CDK14: variants seen among roughly 807,000 people sequenced by gnomAD.
The protein encoded by CDK14 is cyclin dependent kinase 14, also known as cyclin-dependent kinase 14.
CDK14 carries 34 observed loss-of-function variants against 60.7 expected under a neutral mutation model. That is an observed-to-expected ratio of 0.56 (90% CI 0.43 to 0.75). The LOEUF (loss-of-function observed/expected upper bound fraction) is 0.75, where lower values mean the gene tolerates loss of function less well. Among genes scored for constraint, CDK14 ranks in the 30% least tolerant of loss-of-function variants. The probability of loss-of-function intolerance (pLI) is 0.00; values close to 1 mark genes in which losing one functional copy is unlikely to be tolerated. For synonymous variants in CDK14, 197 were observed against 203.7 expected (o/e 0.97, Z 0.28); for missense variants, 482 against 564.1 (o/e 0.85, Z 1.47).
At chr7:91,038,884 C>T (rs565257892) in intron 10 of CDK14, among the ~76,000 whole-genome samples, 17 of 152,318 alleles carry the variant, frequency 1.1e-4, no homozygotes, top group African/African-American at 2.9e-4. Flanking sequence ...CCTTGCCTTC[C>T]GCCATGATTG....
At chr7:91,008,608 T>G (rs1796061009) in intron 10 of CDK14, among the ~76,000 whole-genome samples, 1 of 152,108 alleles carries the variant, frequency 6.6e-6, no homozygotes, top group African/African-American at 2.4e-5. Context: ...CTGGAACATA[T>G]CAAAGTGAGT....
intron 7 of CDK14, among the ~76,000 whole-genome samples, chr7:90,903,236 T>C (rs187876540): frequency 6.6e-6 from 1 of 152,196 alleles, no homozygotes; most frequent in Admixed American, 6.6e-5. Flanking sequence ...TGGGTGTTTA[T>C]CCAAAAGAAA....
chr7:90,896,361 A>G (rs1363540447), intron 6 of CDK14, among the ~76,000 whole-genome samples: 2 of 151,226 alleles, frequency 1.3e-5, no homozygotes, highest in Non-Finnish European at 2.9e-5. Context: ...TTTCTTCCTT[A>G]TTTTCCTCCT....
intron 12 of CDK14, among the ~76,000 whole-genome samples, chr7:91,091,501 T>TATATATA (rs1798821641): frequency 1.1e-5 from 1 of 88,972 alleles, no homozygotes; most frequent in African/African-American, 4.3e-5. Flanking sequence ...TTTATATATT[T>TATATATA]TATATATATA....
chr7:90,757,768 A>C (rs113706593), intron 4 of CDK14, among the ~76,000 whole-genome samples: 23,526 of 151,784 alleles, frequency 0.15, 1,926 homozygotes, highest in Middle Eastern at 0.24. Context: ...CACCCAGCTA[A>C]TTTTCATATT....
chr7:90,696,551 G>A (rs1801663690), intron 2 of CDK14, among the ~76,000 whole-genome samples: 1 of 152,038 alleles, frequency 6.6e-6, no homozygotes, highest in African/African-American at 2.4e-5. Flanking sequence ...CTGGCCTCAA[G>A]TGATCCGCCC....
intron 3 of CDK14, among the ~76,000 whole-genome samples, chr7:90,728,563 C>T (rs1047744202): frequency 6.6e-6 from 1 of 152,076 alleles, no homozygotes; most frequent in Non-Finnish European, 1.5e-5. Context: ...CATATCACTT[C>T]ATATGTTTCT....
intron 9 of CDK14, among the ~76,000 whole-genome samples, chr7:90,977,322 G>A (rs1795100325): frequency 6.6e-6 from 1 of 152,064 alleles, no homozygotes; most frequent in Non-Finnish European, 1.5e-5. Flanking sequence ...CTTTATTTGG[G>A]TGCTGCAGCT....
chr7:91,205,953 G>A lies in CDK14; in HGVS notation c.*29-1212G>A, dbSNP rs1022252815. Among the ~76,000 whole-genome samples the A allele has an allele frequency of 6.6e-5, 10 of 151,900 alleles. No individual in the cohort carries two copies. In the South Asian group the frequency reaches 8.3e-4, roughly 13 times the overall value. ...TGGGACTACAGGCACACACCACCAC[G>A]CCTGGCTAGTATTTGTATTTTCAGT... On this transcript the variant is annotated intron_variant, in intron 14 of 14. Transcript: ENST00000380050.
At chr7:91,091,800 T>G (rs1256879377) in intron 12 of CDK14, among the ~76,000 whole-genome samples, 1 of 37,542 alleles carries the variant, frequency 2.7e-5, no homozygotes, top group Non-Finnish European at 8.3e-5. Flanking sequence ...ATCAGATGAG[T>G]TTTTTTTTCT....
chr7:90,731,321 G>T (rs2116731379), intron 3 of CDK14, among the ~76,000 whole-genome samples: 1 of 152,262 alleles, frequency 6.6e-6, no homozygotes, highest in East Asian at 1.9e-4. Flanking sequence ...GTTTAGGATT[G>T]TCTTGGCTAT....
intron 14 of CDK14, among the ~76,000 whole-genome samples, chr7:91,184,956 G>C (rs1420585037): frequency 6.6e-6 from 1 of 151,732 alleles, no homozygotes; most frequent in African/African-American, 2.4e-5. Context: ...GAGAAGAAGG[G>C]CATCAACCTA....
At chr7:90,997,790 A>G (rs1340575682) in intron 10 of CDK14, among the ~76,000 whole-genome samples, 2 of 152,172 alleles carry the variant, frequency 1.3e-5, no homozygotes, top group African/African-American at 4.8e-5. Context: ...ATATATGCAC[A>G]TTTAATTTGA....
intron 5 of CDK14, among the ~76,000 whole-genome samples, chr7:90,833,919 A>G (rs1790004485): frequency 6.6e-6 from 1 of 152,194 alleles, no homozygotes; most frequent in Admixed American, 6.5e-5. Context: ...TCCTGTAAGA[A>G]TGTAAACTTT....
chr7:91,075,445 A>G (rs952358556), intron 11 of CDK14, among the ~76,000 whole-genome samples: 3 of 152,188 alleles, frequency 2.0e-5, no homozygotes, highest in Non-Finnish European at 4.4e-5. Flanking sequence ...CTCTCAATAA[A>G]CTAGGTATTG....
intron 12 of CDK14, among the ~76,000 whole-genome samples, chr7:91,089,604 C>T (rs1032295673): frequency 4.0e-5 from 6 of 151,318 alleles, no homozygotes; most frequent in African/African-American, 9.7e-5. Context: ...TGTTTATCTC[C>T]GTAAAATATG....
chr7:90,808,659 G>A (rs1788960929), intron 5 of CDK14, among the ~76,000 whole-genome samples: 1 of 152,166 alleles, frequency 6.6e-6, no homozygotes, highest in African/African-American at 2.4e-5. Context: ...CCAATTAAAA[G>A]ACACAGACTG....
At chr7:90,794,967 T>C (rs868500876) in intron 5 of CDK14, among the ~76,000 whole-genome samples, 3 of 152,226 alleles carry the variant, frequency 2.0e-5, no homozygotes, top group African/African-American at 2.4e-5. Context: ...CTGCCATGGC[T>C]TCAGCCGGTC....
At chr7:90,868,385 G>A (rs1483550930) in intron 6 of CDK14, among the ~76,000 whole-genome samples, 1 of 151,710 alleles carries the variant, frequency 6.6e-6, no homozygotes, top group Non-Finnish European at 1.5e-5. Flanking sequence ...CTTGATTGTG[G>A]TGATGGTATT....
Sources: gnomAD v4.1 joint callset for allele counts (sites outside exome capture counted in the v4.1 genomes callset) on GRCh38, gnomAD v4.1.1 for gene constraint, MANE v1.5 for transcripts, NCBI Gene and HGNC (gene_info 2026-07-23, HGNC 2026-07-21) for gene names.